ITFG1: variants seen among roughly 807,000 people sequenced by gnomAD.
The protein encoded by ITFG1 is T-cell immunomodulatory protein.
A neutral mutation model predicts 81.8 loss-of-function variants in ITFG1; 34 were observed. The ratio of observed to expected loss-of-function variants is 0.42; its 90% CI spans 0.32 to 0.55. The LOEUF (loss-of-function observed/expected upper bound fraction) is 0.55, where lower values mean the gene tolerates loss of function less well. Ranked by LOEUF, ITFG1 falls within the 20% of genes least tolerant of loss-of-function variation. ITFG1 has a pLI of 0.17. For synonymous variants in ITFG1, 285 were observed against 270.6 expected, an observed-to-expected ratio of 1.05 and a Z score of -0.52; for missense variants, 672 against 755.4, an observed-to-expected ratio of 0.89 and a Z score of 1.29.
chr16:47,406,227 G>A (rs1413040464), intron 6 of ITFG1, among the ~76,000 whole-genome samples: 1 of 152,142 alleles, frequency 6.6e-6, no homozygotes, highest in Non-Finnish European at 1.5e-5. Flanking sequence ...TCTTAAGGTT[G>A]GAGTGATTTA....
At chr16:47,287,193 A>G (rs1243748549) in intron 10 of ITFG1, among the ~76,000 whole-genome samples, 1 of 152,210 alleles carries the variant, frequency 6.6e-6, no homozygotes, top group African/African-American at 2.4e-5. Context: ...GCTGTCCAGA[A>G]TAACGTTGTG....
At chr16:47,305,989 A>T (rs979536711) in intron 10 of ITFG1, among the ~76,000 whole-genome samples, 11 of 152,152 alleles carry the variant, frequency 7.2e-5, no homozygotes, top group Admixed American at 2.6e-4. Context: ...AAAACGTGAA[A>T]ATCATTCCAT....
At chr16:47,197,241 T>G (rs1185482290) in intron 14 of ITFG1, among the ~76,000 whole-genome samples, 1 of 152,232 alleles carries the variant, frequency 6.6e-6, no homozygotes, top group African/African-American at 2.4e-5. Context: ...TTTTAAGGTC[T>G]GAAAACAGTT....
At chr16:47,410,449 G>A (rs781193703) in intron 6 of ITFG1, among the ~76,000 whole-genome samples, 4 of 151,838 alleles carry the variant, frequency 2.6e-5, no homozygotes, top group East Asian at 1.9e-4. Flanking sequence ...AGCACAAGAC[G>A]GCTGACTAGA....
At chr16:47,287,564 CTAT>C (rs1966874785) in intron 10 of ITFG1, among the ~76,000 whole-genome samples, 2 of 151,962 alleles carry the variant, frequency 1.3e-5, no homozygotes, top group African/African-American at 2.4e-5. Flanking sequence ...CTATGTCTGG[CTAT>C]TATAAAATTT....
At chr16:47,225,653 T>G (rs547483929) in intron 13 of ITFG1, among the ~76,000 whole-genome samples, 1 of 152,206 alleles carries the variant, frequency 6.6e-6, no homozygotes, top group African/African-American at 2.4e-5. Context: ...AAATTCAAAG[T>G]GTTAAAAGAA....
chr16:47,391,154 G>A (rs1028438015), intron 6 of ITFG1, among the ~76,000 whole-genome samples: 2 of 152,010 alleles, frequency 1.3e-5, no homozygotes, highest in African/African-American at 4.8e-5. Context: ...GTGGGAAAGG[G>A]ACATGGCAGA....
intron 14 of ITFG1, among the ~76,000 whole-genome samples, chr16:47,178,994 C>T (rs938343979): frequency 2.0e-5 from 3 of 152,244 alleles, no homozygotes; most frequent in Admixed American, 6.5e-5. Flanking sequence ...CATCACTGGC[C>T]ATCAGAGAAA....
chr16:47,418,308 T>C (rs1186161823), intron 6 of ITFG1, among the ~76,000 whole-genome samples: 1 of 152,200 alleles, frequency 6.6e-6, no homozygotes, highest in African/African-American at 2.4e-5. Flanking sequence ...TTCCAAATAT[T>C]TTCTCTCATT....
rs890944609 is a variant in ITFG1, at chr16:47,442,738, AC to A, written c.560+8657del. Among the ~76,000 whole-genome samples the A allele has an allele frequency of 5.3e-5, 8 of 152,222 alleles. No homozygotes were observed. In the South Asian group the frequency reaches 6.2e-4, roughly 12 times the overall value. On this transcript the variant is annotated intron_variant, in intron 5 of 17. Coordinates refer to ENST00000320640, the MANE Select transcript of ITFG1 (RefSeq NM_030790.5). ...ACTGGATCCCTTCCTTACACCTTAT[AC>A]AAAAATTAATTCAAGATGGATTAAA...
At chr16:47,328,213 T>C (rs548851282) in intron 8 of ITFG1, among the ~76,000 whole-genome samples, 35 of 151,850 alleles carry the variant, frequency 2.3e-4, no homozygotes, top group Non-Finnish European at 4.3e-4. Context: ...CAGGAAACTA[T>C]CGCAAGGTCA....
At chr16:47,273,947 T>C (rs1255722330) in intron 10 of ITFG1, among the ~76,000 whole-genome samples, 2 of 152,098 alleles carry the variant, frequency 1.3e-5, no homozygotes, top group African/African-American at 4.8e-5. Context: ...CCATGTACTT[T>C]AATAACTATG....
At chr16:47,174,887 G>A (rs1353795884) in intron 14 of ITFG1, among the ~76,000 whole-genome samples, 1 of 152,176 alleles carries the variant, frequency 6.6e-6, no homozygotes, top group African/African-American at 2.4e-5. Context: ...TACTGGCACT[G>A]CCCTGAGTCA....
chr16:47,439,848 A>G (rs1969222106), intron 5 of ITFG1, among the ~76,000 whole-genome samples: 1 of 152,236 alleles, frequency 6.6e-6, no homozygotes, highest in African/African-American at 2.4e-5. Flanking sequence ...CTAACCTTAA[A>G]TGTAAATGGG....
intron 2 of ITFG1, among the ~76,000 whole-genome samples, chr16:47,456,244 T>C (rs528460543): frequency 1.2e-4 from 18 of 152,172 alleles, no homozygotes; most frequent in Admixed American, 9.2e-4. Flanking sequence ...AGGCACATCA[T>C]CATGAAATCA....
Position 47,218,329 on chromosome 16 carries a change from A to G in ITFG1, c.1453+539T>C, listed in dbSNP as rs545842739. On this transcript the variant is annotated intron_variant, in intron 14 of 17. Coordinates refer to ENST00000320640, the MANE Select transcript of ITFG1 (RefSeq NM_030790.5). ...CTCAGTCAGTCAGCCATCTGTTAAA[A>G]GCAGACATCCTTTGCTCAATCTTAT... The G allele has an allele frequency of 3.3e-5, 5 of 152,334 alleles. No individual in the cohort carries two copies. In the South Asian group the frequency reaches 6.2e-4, roughly 19 times the overall value. The allele number at this position is 152,334 out of a possible 1,614,324, so 9.4% of individuals were successfully genotyped here.
chr16:47,461,135 A>G (rs2151622681), upstream of ITFG1: 1 of 1,287,776 alleles, frequency 7.8e-7, no homozygotes, highest in East Asian at 2.6e-5. Context: ...AGTGGCGCGC[A>G]GCCCCGGGAC....
At chr16:47,181,676 G>C (rs1327715109) in intron 14 of ITFG1, among the ~76,000 whole-genome samples, 1 of 152,168 alleles carries the variant, frequency 6.6e-6, no homozygotes, top group African/African-American at 2.4e-5. Context: ...CCCCATCTGG[G>C]AGGTGTACCC....
chr16:47,266,596 T>C (rs142226306), intron 10 of ITFG1, among the ~76,000 whole-genome samples: 1,591 of 152,348 alleles, frequency 0.01, 12 homozygotes, highest in Non-Finnish European at 0.017. Flanking sequence ...GCTCATACAC[T>C]GTTGGGAGAC....
Sources: allele counts gnomAD v4.1 joint callset (sites outside exome capture counted in the v4.1 genomes callset), GRCh38; gene constraint gnomAD v4.1.1; transcripts MANE v1.5; gene names NCBI Gene and HGNC (gene_info 2026-07-23, HGNC 2026-07-21).